Variants in TMEM50B observed in about 807,000 individuals in gnomAD.
TMEM50B encodes the protein HCV p7-trans-regulated protein 3.
Under a neutral mutation model 23.4 loss-of-function variants are expected in TMEM50B, and 14 were observed. The ratio of observed to expected loss-of-function variants is 0.60; its 90% CI spans 0.39 to 0.93. TMEM50B has a LOEUF of 0.93. Ranked by LOEUF, TMEM50B falls within the 40% of genes least tolerant of loss-of-function variation. The pLI, the probability that TMEM50B is intolerant of heterozygous loss-of-function variation, is 0.00. For synonymous variants in TMEM50B, 64 were observed against 62.3 expected, an observed-to-expected ratio of 1.03 and a Z score of -0.13; for missense variants, 159 against 193.0, an observed-to-expected ratio of 0.82 and a Z score of 1.04.
intron 5 of TMEM50B, among the ~76,000 whole-genome samples, chr21:33,456,451 G>C (rs1037617247): frequency 2.0e-5 from 3 of 152,152 alleles, no homozygotes; most frequent in Non-Finnish European, 4.4e-5. Flanking sequence ...ATCTATCCTG[G>C]AGGAAATGGT....
Position 33,450,073 on chromosome 21 carries a change from C to CA in TMEM50B, c.*744dup, listed in dbSNP as rs1389597847. 3.3e-5 allele frequency: 5 copies of CA among 152,012 alleles called. No individual in the cohort carries two copies. In the South Asian group the frequency reaches 6.2e-4, roughly 19 times the overall value. The allele number at this position is 152,012 out of a possible 1,614,324, so 9.4% of individuals were successfully genotyped here. A position where few individuals can be genotyped will look rare whatever the true frequency, so the allele number is the denominator to read the frequency against. On this transcript the variant is annotated 3_prime_UTR_variant, in exon 7 of 7. Coordinates refer to ENST00000542230, the MANE Select transcript of TMEM50B (RefSeq NM_006134.7). ...ATAAGAACAAATATTTTTTCTTTAC[C>CA]AAAAAAACCTCATTTTTAGGCCAAA...
intron 4 of TMEM50B, among the ~76,000 whole-genome samples, chr21:33,462,517 A>G (rs2084226001): frequency 6.6e-6 from 1 of 152,136 alleles, no homozygotes. Context: ...TAAAAAACAG[A>G]TAATAGTGGC....
chr21:33,470,846 C>A (rs1017520132), intron 1 of TMEM50B, among the ~76,000 whole-genome samples: 3 of 151,584 alleles, frequency 2.0e-5, no homozygotes, highest in Non-Finnish European at 4.4e-5. Context: ...GCCAAGATCA[C>A]ACCACTGCAC....
At chr21:33,452,893 CTG>C (rs1056617431) in intron 6 of TMEM50B, among the ~76,000 whole-genome samples, 85 of 152,046 alleles carry the variant, frequency 5.6e-4, no homozygotes, top group Non-Finnish European at 4.0e-4. Flanking sequence ...TAAATATACT[CTG>C]TGTGTTCAAG....
At position 33,465,353 on chromosome 21, in the gene TMEM50B, A is replaced by G. The variant is rs369116043; in HGVS notation, c.269T>C (p.Leu90Ser). The G allele has an allele frequency of 2.5e-5, 40 of 1,613,182 alleles. No individual in the cohort carries two copies. The Admixed American group carries it at 6.3e-4, about 26-fold the overall frequency. Residue 90 changes from leucine to serine, a missense_variant, in exon 4 of 7, where the codon TTA becomes TCA. Coordinates refer to ENST00000542230, the MANE Select transcript of TMEM50B (RefSeq NM_006134.7). Reference protein sequence around the residue: ...VRGDSYESGCLGRTGARVWLF... With the variant: ...VRGDSYESGCSGRTGARVWLF... ...CAAAGTATCTTTACCTGTTCTTCCT[A>G]AACAGCCGCTTTCATAGCTATCACC...
chr21:33,468,107 A>G (rs2084281079), intron 2 of TMEM50B, among the ~76,000 whole-genome samples: 1 of 148,534 alleles, frequency 6.7e-6, no homozygotes, highest in African/African-American at 2.5e-5. Flanking sequence ...TGGTTGATGG[A>G]ATTATAAACC....
intron 5 of TMEM50B, among the ~76,000 whole-genome samples, chr21:33,459,614 G>C (rs899943027): frequency 1.4e-5 from 2 of 145,846 alleles, no homozygotes; most frequent in African/African-American, 5.1e-5. Flanking sequence ...GTTGCAGTGA[G>C]CCGAGATCAC....
intron 4 of TMEM50B, among the ~76,000 whole-genome samples, chr21:33,464,768 C>T (rs142219540): frequency 3.0e-4 from 40 of 133,466 alleles, no homozygotes; most frequent in African/African-American, 9.5e-4. Context: ...CCCACCACTG[C>T]ACTCCAGCCT....
At chr21:33,460,664 AT>A (rs1376029526) in intron 4 of TMEM50B, among the ~76,000 whole-genome samples, 159 bp from the exon 5 acceptor site, 1 of 95,062 alleles carries the variant, frequency 1.1e-5, no homozygotes, top group Non-Finnish European at 1.9e-5. Flanking sequence ...ATGAATGATG[AT>A]TTAAAAAAAA....
chr21:33,434,312 A>G (rs912581463), intron 8 of TMEM50B, among the ~76,000 whole-genome samples: 1 of 152,142 alleles, frequency 6.6e-6, no homozygotes, highest in Non-Finnish European at 1.5e-5. Flanking sequence ...ACCTGAGGTC[A>G]GGAGTTCGAG....
exon 8 of TMEM50B, chr21:33,439,216 T>C (rs2083986478): frequency 6.6e-6 from 1 of 152,136 alleles, no homozygotes; most frequent in Non-Finnish European, 1.5e-5. Context: ...AGACTTACCT[T>C]AGACCGTTCA....
chr21:33,453,933 A>G (rs2084145501), intron 6 of TMEM50B, among the ~76,000 whole-genome samples: 1 of 151,974 alleles, frequency 6.6e-6, no homozygotes, highest in African/African-American at 2.4e-5. Flanking sequence ...GCAAAACCCC[A>G]TCTCTACTAA....
chr21:33,467,495 G>A (rs991054582), intron 2 of TMEM50B, among the ~76,000 whole-genome samples: 7 of 152,150 alleles, frequency 4.6e-5, no homozygotes, highest in African/African-American at 1.7e-4. Flanking sequence ...ATGGTGGCAG[G>A]CACCTGTAAT....
At chr21:33,477,606 G>C in intron 1 of TMEM50B, among the ~76,000 whole-genome samples, 1 of 57,912 alleles carries the variant, frequency 1.7e-5, no homozygotes, top group African/African-American at 1.0e-4. Context: ...GGAGGCCGAG[G>C]CGGGGGGGGG....
intron 1 of TMEM50B, among the ~76,000 whole-genome samples, chr21:33,473,113 G>A (rs1024306093): frequency 2.6e-5 from 4 of 151,824 alleles, no homozygotes; most frequent in Non-Finnish European, 5.9e-5. Context: ...CCAGAACAAA[G>A]GATACTAGAA....
At chr21:33,453,018 G>C (rs982926305) in intron 6 of TMEM50B, among the ~76,000 whole-genome samples, 8 of 152,172 alleles carry the variant, frequency 5.3e-5, no homozygotes, top group African/African-American at 1.4e-4. Context: ...TCATTGGATG[G>C]CATAGATTAG....
At chr21:33,447,833 A>G (rs2084078485), downstream of TMEM50B, among the ~76,000 whole-genome samples, 1 of 152,156 alleles carries the variant, frequency 6.6e-6, no homozygotes, top group Non-Finnish European at 1.5e-5. Context: ...ATATTGGTCC[A>G]CACACAAAAA....
intron 6 of TMEM50B, among the ~76,000 whole-genome samples, chr21:33,454,102 CAA>C (rs35393378): frequency 5.0e-5 from 5 of 100,282 alleles, no homozygotes; most frequent in Non-Finnish European, 7.7e-5. Flanking sequence ...GAATCCAGCT[CAA>C]AAAAAAAAAA....
intron 5 of TMEM50B, among the ~76,000 whole-genome samples, chr21:33,458,859 T>C (rs146678366): frequency 6.6e-6 from 1 of 152,330 alleles, no homozygotes; most frequent in African/African-American, 2.4e-5. Flanking sequence ...TTAGATACAG[T>C]TGGTGACCAA....
Sources: gnomAD v4.1 joint callset for allele counts (sites outside exome capture counted in the v4.1 genomes callset) on GRCh38, gnomAD v4.1.1 for gene constraint, MANE v1.5 for transcripts, NCBI Gene and HGNC (gene_info 2026-07-23, HGNC 2026-07-21) for gene names.